ITPRID1: variants seen among roughly 807,000 people sequenced by gnomAD.
ITPRID1 encodes protein ITPRID1.
Under a neutral mutation model 95.4 loss-of-function variants are expected in ITPRID1, and 96 were observed. The ratio of observed to expected loss-of-function variants is 1.01; its 90% CI spans 0.85 to 1.19. The LOEUF (loss-of-function observed/expected upper bound fraction) is 1.19. Among genes scored for constraint, ITPRID1 ranks in the 50% most tolerant of loss-of-function variants. The probability of loss-of-function intolerance (pLI) is 0.00; values close to 1 mark genes in which losing one functional copy is unlikely to be tolerated. For synonymous variants in ITPRID1, 510 were observed against 453.6 expected (o/e 1.12, Z -1.58); for missense variants, 1,339 against 1,252.9 (o/e 1.07, Z -1.04).
chr7:31,565,101 T>G (rs1181466799), intron 5 of ITPRID1, among the ~76,000 whole-genome samples: 1 of 152,166 alleles, frequency 6.6e-6, no homozygotes, highest in Non-Finnish European at 1.5e-5. Context: ...CTTATTTCCC[T>G]GTGCAAGGCT....
chr7:31,521,620 CTCCT>C (rs201520895), intron 1 of ITPRID1, among the ~76,000 whole-genome samples: 5,739 of 67,986 alleles, frequency 0.084, 178 homozygotes, highest in Middle Eastern at 0.12. Flanking sequence ...TCTCCTTTCC[CTCCT>C]TCCTTCCTTC....
intron 1 of ITPRID1, among the ~76,000 whole-genome samples, chr7:31,516,152 AAAG>A (rs1425595328): frequency 1.3e-5 from 2 of 152,200 alleles, no homozygotes; most frequent in African/African-American, 4.8e-5. Flanking sequence ...TGAGGAAAGG[AAAG>A]AGAATAAGGC....
chr7:31,618,072 T>TATCA (rs1381828312), intron 10 of ITPRID1, among the ~76,000 whole-genome samples: 2 of 152,164 alleles, frequency 1.3e-5, no homozygotes, highest in Admixed American at 6.5e-5. Flanking sequence ...GACAGAAGCC[T>TATCA]ATCAGGTTCA....
At chr7:31,598,187 C>T (rs764818758) in intron 10 of ITPRID1, among the ~76,000 whole-genome samples, 5 of 151,994 alleles carry the variant, frequency 3.3e-5, no homozygotes, top group Non-Finnish European at 7.4e-5. Flanking sequence ...ACATTTATGA[C>T]CTCAGGGTTA....
At position 31,595,345 on chromosome 7, in the gene ITPRID1, T is replaced by TACACACACACACACAC. The variant is rs58632355; in HGVS notation, c.1228+12167_1228+12182dup. Among the ~76,000 whole-genome samples the TACACACACACACACAC allele has an allele frequency of 7.0e-3, 1,035 of 147,124 alleles. 12 individuals carry two copies. The highest frequency in any genetic ancestry group is 0.015 in the African/African-American group (586 of 39,608). ...CAGGTGTGAGCCACCATGCCCGGCC[T>TACACACACACACACAC]ACACACACACACACACACACACACA... On this transcript the variant is annotated intron_variant, in intron 10 of 14. Coordinates refer to ENST00000615280, the MANE Select transcript of ITPRID1 (RefSeq NM_001257967.3).
chr7:31,576,644 A>G (rs140686967), intron 8 of ITPRID1, among the ~76,000 whole-genome samples: 250 of 152,242 alleles, frequency 1.6e-3, no homozygotes, highest in African/African-American at 5.8e-3. Context: ...GAAATCTGTC[A>G]CTTTTTTTGG....
At chr7:31,538,239 TAC>T (rs35750696) in intron 1 of ITPRID1, among the ~76,000 whole-genome samples, 123,558 of 151,796 alleles carry the variant, frequency 0.81, 51,656 homozygotes, top group Non-Finnish European at 0.92. Flanking sequence ...TGTCTGTCTC[TAC>T]ACACACACAC....
intron 1 of ITPRID1, among the ~76,000 whole-genome samples, chr7:31,544,159 T>A (rs1784021082): frequency 6.6e-6 from 1 of 152,134 alleles, no homozygotes; most frequent in South Asian, 2.1e-4. Context: ...CCCTTGTTCT[T>A]TATCTTAGTG....
At position 31,642,217 on chromosome 7, in the gene ITPRID1, A is replaced by G; in HGVS notation, c.1270A>G (p.Ser424Gly). 2 of 1,560,638 alleles carry G rather than the reference A, an allele frequency of 1.3e-6. No homozygotes were observed. The highest frequency in any genetic ancestry group is 1.2e-5 in the South Asian group (1 of 84,516). The change falls in exon 11 of 15, where the codon AGC becomes GGC. Residue 424 changes from serine (S) to glycine (G), a missense_variant. Transcript: ENST00000615280. ...DRANSCQSDSSGFLEEPLEPL... is the reference protein window; with the variant it reads ...DRANSCQSDSGGFLEEPLEPL... ...AGCAAATAGCTGCCAGTCTGACAGC[A>G]GCGGGTTCCTGGAGGAGCCGCTGGA...
intron 12 of ITPRID1, among the ~76,000 whole-genome samples, chr7:31,647,849 A>C (rs1032411599): frequency 1.1e-4 from 17 of 152,226 alleles, no homozygotes; most frequent in Non-Finnish European, 2.5e-4. Context: ...CACTGCAGAT[A>C]AACATTTGAC....
chr7:31,619,563 G>A (rs1034246624), intron 10 of ITPRID1, among the ~76,000 whole-genome samples: 10 of 151,698 alleles, frequency 6.6e-5, no homozygotes, highest in Non-Finnish European at 8.8e-5. Context: ...TCTATGCTGA[G>A]GAAATCAATG....
intron 12 of ITPRID1, among the ~76,000 whole-genome samples, chr7:31,649,654 G>A (rs1337532877): frequency 6.6e-6 from 1 of 152,126 alleles, no homozygotes; most frequent in Non-Finnish European, 1.5e-5. Flanking sequence ...GATGGCTTTA[G>A]GGCCTAACAA....
chr7:31,561,988 C>T (rs1784639182), intron 5 of ITPRID1, among the ~76,000 whole-genome samples: 1 of 146,916 alleles, frequency 6.8e-6, no homozygotes, highest in African/African-American at 2.5e-5. Flanking sequence ...TAAGGTCCCT[C>T]TTCCCAGGCT....
chr7:31,578,041 A>G lies in ITPRID1; in HGVS notation c.777A>G (p.Arg259=). 6.2e-7 allele frequency: 1 copy of G among 1,613,852 alleles called. No homozygotes were observed. The highest frequency in any genetic ancestry group is 2.2e-5 in the East Asian group (1 of 44,846). The change falls in exon 9 of 15, where the codon AGA becomes AGG. Residue 259 remains arginine (R), a synonymous_variant. Coordinates refer to ENST00000615280, the MANE Select transcript of ITPRID1 (RefSeq NM_001257967.3). ...HRRRMGKLLR[R]ASKQNIRRDC... ...GAAGAATGGGTAAACTCTTAAGGAGAGCTTCCAAACAGAACATCAGGCGGG... is the reference window on the plus strand; with the variant it reads ...GAAGAATGGGTAAACTCTTAAGGAGGGCTTCCAAACAGAACATCAGGCGGG...
chr7:31,540,570 G>A lies in ITPRID1; in HGVS notation c.-97-8856G>A, dbSNP rs193141630. On this transcript the variant is annotated intron_variant, in intron 1 of 14. Transcript: ENST00000615280. The stretch of plus-strand genomic sequence containing the variant: ...TTTATTAAAAGACAAATCATGGTAG[G>A]ACTGGTTTGCTTTATTATACTTGGC... Among the ~76,000 whole-genome samples, 603 of 152,246 alleles carry A rather than the reference G, an allele frequency of 4.0e-3. 1 individual carries two copies. Among genetic ancestry groups the A allele is most frequent in the Middle Eastern group, 0.017 (5 of 294 alleles).
chr7:31,532,709 T>A (rs1783637752), intron 1 of ITPRID1, among the ~76,000 whole-genome samples: 1 of 152,060 alleles, frequency 6.6e-6, no homozygotes, highest in Non-Finnish European at 1.5e-5. Flanking sequence ...GTAGAAAGGG[T>A]GAGGGAAAAG....
At chr7:31,571,274 C>T (rs1486686889) in intron 6 of ITPRID1, among the ~76,000 whole-genome samples, 2 of 152,124 alleles carry the variant, frequency 1.3e-5, no homozygotes, top group Non-Finnish European at 2.9e-5. Context: ...GATCCACCCA[C>T]CTCGGCCTCC....
At chr7:31,534,392 G>T (rs1562552811) in intron 1 of ITPRID1, among the ~76,000 whole-genome samples, 1 of 152,132 alleles carries the variant, frequency 6.6e-6, no homozygotes, top group Non-Finnish European at 1.5e-5. Flanking sequence ...CTCTGAATTA[G>T]ATTTGTCTAT....
At chr7:31,586,000 C>T (rs556983022) in intron 10 of ITPRID1, among the ~76,000 whole-genome samples, 25 of 143,088 alleles carry the variant, frequency 1.7e-4, no homozygotes, top group South Asian at 2.4e-4. Flanking sequence ...TCCCCCCATC[C>T]CACAACAGTC....
Sources: allele counts gnomAD v4.1 joint callset (sites outside exome capture counted in the v4.1 genomes callset), GRCh38; gene constraint gnomAD v4.1.1; transcripts MANE v1.5; gene names NCBI Gene and HGNC (gene_info 2026-07-23, HGNC 2026-07-21).